The following GSTM5 variants were observed in gnomAD, a reference collection of about 807,000 sequenced individuals.
GSTM5 encodes the protein glutathione S-transferase mu 5.
Under a neutral mutation model 29.0 loss-of-function variants are expected in GSTM5, and 24 were observed. That is an observed-to-expected ratio of 0.83 (90% CI 0.60 to 1.16). The LOEUF (loss-of-function observed/expected upper bound fraction) is 1.16. Among genes scored for constraint, GSTM5 ranks in the 50% most tolerant of loss-of-function variants. GSTM5 has a pLI of 0.00. For missense variants in GSTM5, 290 were observed against 263.0 expected (o/e 1.10, Z -0.71); for synonymous variants, 91 against 93.6 (o/e 0.97, Z 0.16).
intron 7 of GSTM5, chr1:109,715,727 G>T (rs1648723331): frequency 2.3e-6 from 1 of 432,570 alleles, no homozygotes; most frequent in Non-Finnish European, 4.2e-6. Context: ...AAACCTGCAG[G>T]CAGTATTCAT....
rs372064554 is a variant in GSTM5 at position 109,715,054 on chromosome 1, G to T, written c.456+12G>T. The T allele has an allele frequency of 6.2e-7, 1 of 1,614,098 alleles. No homozygotes were observed. The highest frequency in any genetic ancestry group is 1.3e-5 in the African/African-American group (1 of 74,952). ...TTGCAGGAGACAAGGTAAAGGAGGAGTGATATGGGGAATGAGATCTGTTTT... is the reference window on the plus strand; with the variant it reads ...TTGCAGGAGACAAGGTAAAGGAGGATTGATATGGGGAATGAGATCTGTTTT... On this transcript the variant is annotated intron_variant, in intron 6 of 7. Coordinates refer to ENST00000256593, the MANE Select transcript of GSTM5 (RefSeq NM_000851.4).
intron 7 of GSTM5, chr1:109,715,674 G>T: frequency 1.9e-6 from 1 of 532,970 alleles, no homozygotes; most frequent in East Asian, 3.7e-5. Context: ...GATGCAGCTG[G>T]CAATAGTAGG....
intron 7 of GSTM5, chr1:109,715,538 C>T: frequency 1.4e-6 from 2 of 1,430,120 alleles, no homozygotes; most frequent in African/African-American, 1.4e-5. Flanking sequence ...CCCTGTGAGC[C>T]TCTGGATCTA....
rs572067199 is a variant in GSTM5, at chr1:109,714,791, A to T, written c.361-156A>T. ...CCCAGTCAGAGTCTAATAAATGCTG[A>T]TGTATCCAATTGAAGCCTGGGCACT... On this transcript the variant is annotated intron_variant, in intron 5 of 7. Coordinates refer to ENST00000256593, the MANE Select transcript of GSTM5 (RefSeq NM_000851.4). The T allele has an allele frequency of 8.3e-4, 588 of 709,288 alleles. 8 individuals carry two copies. In the South Asian group the frequency reaches 9.5e-3, roughly 11 times the overall value. The allele number at this position is 709,288 out of a possible 1,614,324, so 43.9% of individuals were successfully genotyped here.
At position 109,713,520 on chromosome 1, in the gene GSTM5, C is replaced by G; in HGVS notation, c.214C>G (p.Gln72Glu). ...YLIDGAHKIT[Q>E]SNAILRYIAR... ...GATTGATGGGGCTCACAAGATCACC[C>G]AGAGCAATGCCATCCTGCGCTACAT... The change falls in exon 4 of 8, where the codon CAG (glutamine) becomes GAG (glutamate). Residue 72 changes from glutamine to glutamate, a missense_variant. Physicochemically the swap from Gln to Glu is conservative, Grantham distance 29 (BLOSUM62 2). Coordinates refer to ENST00000256593, the MANE Select transcript of GSTM5 (RefSeq NM_000851.4). The G allele has an allele frequency of 6.2e-7, 1 of 1,614,228 alleles. No individual in the cohort carries two copies. The highest frequency in any genetic ancestry group is 8.5e-7 in the Non-Finnish European group (1 of 1,180,054).
At chr1:109,713,239 A>G in intron 3 of GSTM5, 56 bp downstream of exon 3, 4 of 1,607,832 alleles carry the variant, frequency 2.5e-6, no homozygotes, top group Non-Finnish European at 3.4e-6. Flanking sequence ...CTCTGACTGC[A>G]TCTCCTCTCC....
intron 7 of GSTM5, chr1:109,715,533 T>C: frequency 7.0e-7 from 1 of 1,436,012 alleles, no homozygotes; most frequent in Non-Finnish European, 9.1e-7. Flanking sequence ...GGGCTCCCTG[T>C]GAGCCTCTGG....
At chr1:109,714,273 T>TCCTCTGG (rs1470101561) in intron 5 of GSTM5, 1 of 160,158 alleles carries the variant, frequency 6.2e-6, no homozygotes, top group Non-Finnish European at 1.4e-5. Context: ...CTCCTTCATC[T>TCCTCTGG]CCTCTGGCCT....
At position 109,712,269 on chromosome 1, in the gene GSTM5, C is replaced by G. The variant is rs55976052; in HGVS notation, c.-44C>G. On this transcript the variant is annotated 5_prime_UTR_variant, in exon 1 of 8. Transcript: ENST00000256593. Reference sequence around the variant, plus strand: ...CCTGGGCCTCTCAAAGTCTGAGCCCCGCTCCGCTGATGCCTGTCTGCAGAA... The same window carrying G: ...CCTGGGCCTCTCAAAGTCTGAGCCCGGCTCCGCTGATGCCTGTCTGCAGAA... 1.2e-6 allele frequency: 2 copies of G among 1,611,814 alleles called. No individual in the cohort carries two copies. Among genetic ancestry groups the G allele is most frequent in the South Asian group, 1.1e-5 (1 of 91,052 alleles).
intron 7 of GSTM5, chr1:109,715,780 A>G: frequency 2.5e-6 from 1 of 403,200 alleles, no homozygotes; most frequent in Non-Finnish European, 4.6e-6. Context: ...CCCATGTGGA[A>G]AATCCTGAGA....
intron 5 of GSTM5, 81 bp downstream of exon 5, chr1:109,713,842 T>C: frequency 9.1e-7 from 1 of 1,103,056 alleles, no homozygotes; most frequent in Non-Finnish European, 1.4e-6. Flanking sequence ...AAGTCAGGTC[T>C]GTAGCAGACT....
At chr1:109,715,087 G>A (rs1648696686) in intron 6 of GSTM5, 43 bp from the exon 7 acceptor site, 2 of 1,613,976 alleles carry the variant, frequency 1.2e-6, no homozygotes, top group Admixed American at 3.3e-5. Flanking sequence ...TTTACTTCAT[G>A]TGTTTCGGGG....
At chr1:109,715,931 C>G (rs972938767) in intron 7 of GSTM5, 25 of 816,816 alleles carry the variant, frequency 3.1e-5, no homozygotes, top group African/African-American at 5.2e-5. Flanking sequence ...TGTTCCACGT[C>G]TTCCCCCTGT....
intron 7 of GSTM5, chr1:109,715,970 T>G (rs138155304): frequency 1.1e-6 from 1 of 911,946 alleles, no homozygotes; most frequent in African/African-American, 1.7e-5. Flanking sequence ...ATTTTACTCC[T>G]ATTCACCGAC....
rs777202913 is a variant in GSTM5, at chr1:109,715,211, A to G, written c.538A>G (p.Asn180Asp). The G allele has an allele frequency of 7.4e-6, 12 of 1,614,160 alleles. No homozygotes were observed. The highest frequency in any genetic ancestry group is 1.0e-5 in the Non-Finnish European group (12 of 1,180,026). The change falls in exon 7 of 8, where the codon AAC becomes GAC. Residue 180 changes from asparagine to aspartate, a missense_variant. By Grantham distance (23) the Asn-to-Asp change is conservative (BLOSUM62 1). Coordinates refer to ENST00000256593, the MANE Select transcript of GSTM5 (RefSeq NM_000851.4). ...GCCCAAGTGCTTGGACGCCTTCCTAAACTTGAAGGACTTCATCTCCCGCTT... is the reference window on the plus strand; with the variant it reads ...GCCCAAGTGCTTGGACGCCTTCCTAGACTTGAAGGACTTCATCTCCCGCTT... ...FEPKCLDAFL[N>D]LKDFISRFEG... is the part of the protein sequence containing the mutation.
In GSTM5 at chr1:109,713,680, G is replaced by GA. The variant is rs780370005; in HGVS notation, c.281dup (p.Ile95AspfsTer13). The GA allele has an allele frequency of 1.6e-5, 26 of 1,614,198 alleles. No individual in the cohort carries two copies. Among genetic ancestry groups the GA allele is most frequent in the Non-Finnish European group, 2.0e-5 (24 of 1,180,030 alleles). ...TGGCAGGTGGGGAGACAGAAGAGGA[G>GA]AAGATTCGTGTGGACATTTTGGAGA... On this transcript the variant is annotated frameshift_variant, in exon 5 of 8. Coordinates refer to ENST00000256593, the MANE Select transcript of GSTM5 (RefSeq NM_000851.4). LOFTEE classifies it high-confidence loss of function.
At chr1:109,716,354 G>T in intron 7 of GSTM5, 1 of 159,976 alleles carries the variant, frequency 6.3e-6, no homozygotes, top group Non-Finnish European at 1.4e-5. Flanking sequence ...TATGTAAGAG[G>T]TGGTGGGAGG....
intron 1 of GSTM5, 46 bp downstream of exon 1, chr1:109,712,394 G>C (rs775587853): frequency 4.4e-6 from 7 of 1,582,604 alleles, no homozygotes; most frequent in Non-Finnish European, 6.1e-6. Flanking sequence ...CGGAGGCGGG[G>C]ATGTGTGGAG....
chr1:109,712,493 G>T (rs1466851333), intron 1 of GSTM5, 125 bp from the exon 2 acceptor site: 3 of 1,318,770 alleles, frequency 2.3e-6, no homozygotes, highest in Non-Finnish European at 3.3e-6. Flanking sequence ...TGTGTTTGGG[G>T]GTGGGGGCGG....
Sources: gnomAD v4.1 joint callset for allele counts on GRCh38, gnomAD v4.1.1 for gene constraint, MANE v1.5 for transcripts, NCBI Gene and HGNC (gene_info 2026-07-23, HGNC 2026-07-21) for gene names.